LYZL2: variants seen among roughly 807,000 people sequenced by gnomAD.
LYZL2 encodes lysozyme-like protein 2.
Under a neutral mutation model 17.1 loss-of-function variants are expected in LYZL2, and 13 were observed. The observed-to-expected ratio is 0.76, with a 90% CI of 0.49 to 1.21. LYZL2 has a LOEUF of 1.21. Ranked by LOEUF, LYZL2 falls within the 50% of genes most tolerant of loss-of-function variation. The pLI is 0.00. For missense variants in LYZL2, 166 were observed against 189.2 expected (o/e 0.88, Z 0.72); for synonymous variants, 63 against 74.4 (o/e 0.85, Z 0.79).
Position 30,627,242 on chromosome 10 carries a change from T to G in LYZL2, c.-25-302A>C, listed in dbSNP as rs185955392. Among the ~76,000 whole-genome samples the G allele has an allele frequency of 8.7e-3, 1,252 of 144,382 alleles. 6 individuals carry two copies. The highest frequency in any genetic ancestry group is 0.015 in the African/African-American group (587 of 39,904). The allele number at this position is 144,382 out of a possible 152,430, so 94.7% of individuals were successfully genotyped here. A position where few individuals can be genotyped will look rare whatever the true frequency, so the allele number is the denominator to read the frequency against. Reference sequence around the variant, plus strand: ...AAACCACAAGGGGCATTTTTAGGATTTCTATTTTAATTCTATGAATGAAAA... The same window carrying G: ...AAACCACAAGGGGCATTTTTAGGATGTCTATTTTAATTCTATGAATGAAAA... On this transcript the variant is annotated intron_variant, in intron 1 of 4. Transcript: ENST00000647634.
rs1226857467 is a variant in LYZL2, at chr10:30,627,077, C to T, written c.-25-137G>A. The stretch of plus-strand genomic sequence containing the variant: ...CAGTGCCACCATCAGGGAAAACCGG[C>T]CACTCTACGGTCCAGGGAAGGAATG... On this transcript the variant is annotated intron_variant, in intron 1 of 4. Coordinates refer to ENST00000647634, the MANE Select transcript of LYZL2 (RefSeq NM_183058.3). 5 of 1,261,966 alleles carry T rather than the reference C, an allele frequency of 4.0e-6. No individual in the cohort carries two copies. The East Asian group carries it at 1.2e-4, about 31-fold the overall frequency. 78.2% of individuals were successfully genotyped at this position (1,261,966 alleles called of 1,614,324 possible). A position where few individuals can be genotyped will look rare whatever the true frequency, so the allele number is the denominator to read the frequency against.
At chr10:30,616,598 A>G (rs11008150) in intron 3 of LYZL2, among the ~76,000 whole-genome samples, 21,728 of 152,296 alleles carry the variant, frequency 0.14, 1,696 homozygotes, top group East Asian at 0.24. Flanking sequence ...AACAGCTATT[A>G]CCACTAGCTA....
chr10:30,627,004 G>C, intron 1 of LYZL2, 64 bp from the exon 2 acceptor site: 1 of 1,597,352 alleles, frequency 6.3e-7, no homozygotes, highest in East Asian at 2.2e-5. Flanking sequence ...TCCAGCATCG[G>C]TGACTGTGCA....
chr10:30,606,753 C>G, the LYZL2 span, among the ~76,000 whole-genome samples: 2 of 152,142 alleles, frequency 1.3e-5, no homozygotes, highest in Non-Finnish European at 2.9e-5. Flanking sequence ...CTCTGCACAG[C>G]TATCAACTTT....
At chr10:30,615,780 A>G (rs911474338) in intron 3 of LYZL2, among the ~76,000 whole-genome samples, 5 of 152,242 alleles carry the variant, frequency 3.3e-5, no homozygotes, top group Non-Finnish European at 7.3e-5. Context: ...TGTTCTAGCT[A>G]CATCTCAGAT....
In LYZL2 at chr10:30,626,946, A is replaced by G; in HGVS notation, c.-25-6T>C. The stretch of plus-strand genomic sequence containing the variant: ...AAGCCTGCCGGAGACAGAACCTGCC[A>G]AAGAGCCGGAGAACAGGTCAGACGA... On this transcript the variant is annotated splice_region_variant and splice_polypyrimidine_tract_variant and intron_variant, in intron 1 of 4. Coordinates refer to ENST00000647634, the MANE Select transcript of LYZL2 (RefSeq NM_183058.3). 6.2e-7 allele frequency: 1 copy of G among 1,612,690 alleles called. No individual in the cohort carries two copies. The highest frequency in any genetic ancestry group is 8.5e-7 in the Non-Finnish European group (1 of 1,179,248).
chr10:30,623,555 A>G (rs1419612183), intron 3 of LYZL2, among the ~76,000 whole-genome samples: 1 of 152,142 alleles, frequency 6.6e-6, no homozygotes, highest in African/African-American at 2.4e-5. Context: ...CAGTGGCCGC[A>G]TTAGATTCTT....
intron 3 of LYZL2, among the ~76,000 whole-genome samples, chr10:30,621,220 A>T (rs1838613654): frequency 6.6e-6 from 1 of 152,186 alleles, no homozygotes; most frequent in South Asian, 2.1e-4. Flanking sequence ...CATACCGGGG[A>T]CAAACAGAAG....
Position 30,611,847 on chromosome 10 carries a change from G to A in LYZL2, c.*108C>T. ...GTATAGCTTAATTTTCCCTCTCCAA[G>A]TTTGAGAAGGAATATTGGGAGGAAA... is the stretch of plus-strand genomic sequence containing the variant. On this transcript the variant is annotated 3_prime_UTR_variant, in exon 5 of 5. Coordinates refer to ENST00000647634, the MANE Select transcript of LYZL2 (RefSeq NM_183058.3). 6.4e-7 allele frequency: 1 copy of A among 1,574,446 alleles called. No individual in the cohort carries two copies. Among genetic ancestry groups the A allele is most frequent in the Non-Finnish European group, 8.6e-7 (1 of 1,162,558 alleles).
chr10:30,628,570 G>T (rs1838757241), intron 1 of LYZL2, among the ~76,000 whole-genome samples: 1 of 152,180 alleles, frequency 6.6e-6, no homozygotes, highest in Non-Finnish European at 1.5e-5. Context: ...TGCTGGGATG[G>T]GGTGAAGTGA....
intron 3 of LYZL2, among the ~76,000 whole-genome samples, 187 bp downstream of exon 3, chr10:30,625,918 T>C (rs1203151832): frequency 6.6e-6 from 1 of 152,240 alleles, no homozygotes; most frequent in African/African-American, 2.4e-5. Flanking sequence ...AAGTCATCTT[T>C]GGACAAGTCA....
intron 3 of LYZL2, among the ~76,000 whole-genome samples, chr10:30,620,636 G>A (rs1199935864): frequency 6.6e-6 from 1 of 152,178 alleles, no homozygotes; most frequent in Non-Finnish European, 1.5e-5. Flanking sequence ...GCAGAGAAAT[G>A]TGACACATAC....
chr10:30,627,950 G>C (rs1274468384), intron 1 of LYZL2, among the ~76,000 whole-genome samples: 4 of 152,206 alleles, frequency 2.6e-5, no homozygotes, highest in Non-Finnish European at 5.9e-5. Flanking sequence ...ACGAGGTCAG[G>C]AGATCAAGAC....
intron 3 of LYZL2, among the ~76,000 whole-genome samples, chr10:30,613,844 T>A (rs1798570): frequency 0.49 from 74,843 of 151,854 alleles, 19,220 homozygotes; most frequent in Middle Eastern, 0.56. Context: ...GCCTTCAAAA[T>A]AGCTGGAAAT....
chr10:30,606,440 A>G, the LYZL2 span, among the ~76,000 whole-genome samples: 1 of 150,228 alleles, frequency 6.7e-6, no homozygotes, highest in South Asian at 2.1e-4. Flanking sequence ...GTAGCCTTGA[A>G]CTTCCAGGAT....
Position 30,614,007 on chromosome 10 carries a change from G to A in LYZL2, c.299-1107C>T, listed in dbSNP as rs542300059. Among the ~76,000 whole-genome samples the A allele has an allele frequency of 3.9e-5, 6 of 152,012 alleles. No individual in the cohort carries two copies. In the East Asian group the frequency reaches 7.7e-4, roughly 20 times the overall value. ...TTACAGACATGAGCCACCATGCCCC[G>A]CCACCTATTATTTTTTCTATTGCTT... On this transcript the variant is annotated intron_variant, in intron 3 of 4. Transcript: ENST00000647634.
chr10:30,614,133 G>GA (rs1838491966), intron 3 of LYZL2, among the ~76,000 whole-genome samples: 1 of 152,204 alleles, frequency 6.6e-6, no homozygotes, highest in Non-Finnish European at 1.5e-5. Flanking sequence ...AAACATGACA[G>GA]AAAAAGGCAA....
intron 3 of LYZL2, among the ~76,000 whole-genome samples, chr10:30,621,100 T>C (rs535699386): frequency 6.6e-6 from 1 of 152,182 alleles, no homozygotes; most frequent in Admixed American, 6.5e-5. Context: ...ATACAAAATG[T>C]TAATGAATAC....
rs532929742 is a variant in LYZL2 at position 30,626,375 on chromosome 10, C to T, written c.140-112G>A. On this transcript the variant is annotated intron_variant, in intron 2 of 4. Transcript: ENST00000647634. ...GTTACCTGACTGCTTCCTCCCAATA[C>T]ACCTTGGGCAGGGCAGGGCGGGCAT... The T allele has an allele frequency of 4.4e-5, 66 of 1,505,966 alleles. No homozygotes were observed. The African/African-American group carries it at 7.2e-4, about 16-fold the overall frequency. The allele number at this position is 1,505,966 out of a possible 1,614,324, so 93.3% of individuals were successfully genotyped here. A position where few individuals can be genotyped will look rare whatever the true frequency, so the allele number is the denominator to read the frequency against.
Sources: gnomAD v4.1 joint callset for allele counts (sites outside exome capture counted in the v4.1 genomes callset) on GRCh38, gnomAD v4.1.1 for gene constraint, MANE v1.5 for transcripts, NCBI Gene and HGNC (gene_info 2026-07-23, HGNC 2026-07-21) for gene names.